The following VAV3 variants were observed in gnomAD, a reference collection of about 807,000 sequenced individuals.
VAV3 encodes guanine nucleotide exchange factor VAV3.
Under a neutral mutation model 131.2 loss-of-function variants are expected in VAV3, and 94 were observed. That is an observed-to-expected ratio of 0.72 (90% CI 0.61 to 0.85). The LOEUF is 0.85. Ranked by LOEUF, VAV3 falls within the 40% of genes least tolerant of loss-of-function variation. The pLI is 0.00. For missense variants in VAV3, 939 were observed against 1,002.7 expected (o/e 0.94, Z 0.86); for synonymous variants, 349 against 342.0 (o/e 1.02, Z -0.22).
intron 25 of VAV3, among the ~76,000 whole-genome samples, chr1:107,584,894 T>C (rs909642480): frequency 6.6e-6 from 1 of 152,198 alleles, no homozygotes. Context: ...TCTAAATCTA[T>C]ATTTAAAAAA....
chr1:107,756,399 C>T (rs751988020), intron 11 of VAV3, among the ~76,000 whole-genome samples: 1 of 151,978 alleles, frequency 6.6e-6, no homozygotes, highest in Admixed American at 6.6e-5. Flanking sequence ...GATCCATAAA[C>T]GACTTCTTTA....
intron 20 of VAV3, among the ~76,000 whole-genome samples, chr1:107,637,333 A>G (rs1005846083): frequency 8.6e-5 from 13 of 152,004 alleles, no homozygotes; most frequent in Admixed American, 7.9e-4. Flanking sequence ...TTTTTTTTTA[A>G]ACTTCTAGGC....
Position 107,757,153 on chromosome 1 carries a change from ATGTGTGTGTGTGTGTGTGTGTG to A in VAV3, c.1086+86_1086+107del, listed in dbSNP as rs34437461. ...TGTTTGTGTATATATATGTGTGTATATGTGTGTGTGTGTGTGTGTGTGTGTGTGTGTGTGTATGCAATTTGAA... is the reference window on the plus strand; with the variant it reads ...TGTTTGTGTATATATATGTGTGTATATGTGTGTGTGTGTATGCAATTTGAA... On this transcript the variant is annotated intron_variant, in intron 11 of 26. Transcript: ENST00000370056. 1.2e-4 allele frequency: 73 copies of A among 593,126 alleles called. No homozygotes were observed. The East Asian group carries it at 2.1e-3, about 17-fold the overall frequency. The allele number at this position is 593,126 out of a possible 1,614,324, so 36.7% of individuals were successfully genotyped here.
intron 20 of VAV3, among the ~76,000 whole-genome samples, chr1:107,633,140 T>C (rs537899363): frequency 6.6e-6 from 1 of 152,180 alleles, no homozygotes; most frequent in South Asian, 2.1e-4. Flanking sequence ...ATGAAAATAA[T>C]TGAAAGCACC....
intron 22 of VAV3, among the ~76,000 whole-genome samples, chr1:107,608,399 T>C (rs1022932362): frequency 1.3e-5 from 2 of 152,236 alleles, no homozygotes; most frequent in African/African-American, 4.8e-5. Context: ...ACTTTCAAGA[T>C]TTTTAACAGT....
intron 12 of VAV3, among the ~76,000 whole-genome samples, chr1:107,753,038 A>C (rs1034491252): frequency 6.6e-6 from 1 of 152,186 alleles, no homozygotes; most frequent in Non-Finnish European, 1.5e-5. Flanking sequence ...CAATAGCTGA[A>C]AGAAGGAAGC....
intron 20 of VAV3, among the ~76,000 whole-genome samples, chr1:107,618,586 T>C (rs4372289): frequency 6.6e-6 from 1 of 152,102 alleles, no homozygotes; most frequent in Non-Finnish European, 1.5e-5. Context: ...CCTTAATATG[T>C]GCTAGACACT....
chr1:107,888,184 T>C (rs1227215616), intron 1 of VAV3, among the ~76,000 whole-genome samples: 1 of 152,200 alleles, frequency 6.6e-6, no homozygotes, highest in Non-Finnish European at 1.5e-5. Context: ...TGTGATATCT[T>C]CTTTATTGAA....
intron 19 of VAV3, among the ~76,000 whole-genome samples, chr1:107,671,711 T>C (rs6680436): frequency 0.23 from 35,692 of 151,962 alleles, 4,933 homozygotes; most frequent in African/African-American, 0.38. Flanking sequence ...GGCAGAGCCA[T>C]AGAATATTTT....
intron 25 of VAV3, among the ~76,000 whole-genome samples, chr1:107,584,149 C>T (rs1343846625): frequency 6.6e-6 from 1 of 152,142 alleles, no homozygotes; most frequent in African/African-American, 2.4e-5. Context: ...AAAAAACAAG[C>T]AATGGGGAAA....
chr1:107,681,843 G>T (rs1658644908), intron 19 of VAV3, among the ~76,000 whole-genome samples: 1 of 151,774 alleles, frequency 6.6e-6, no homozygotes, highest in Non-Finnish European at 1.5e-5. Flanking sequence ...TGTATTTTTA[G>T]TAGAGATGGG....
chr1:107,576,436 G>A (rs777973499), intron 25 of VAV3: 30 of 1,524,556 alleles, frequency 2.0e-5, no homozygotes, highest in African/African-American at 2.8e-5. Flanking sequence ...GCTGTAGTCT[G>A]GAGGAGTTAC....
intron 2 of VAV3, among the ~76,000 whole-genome samples, chr1:107,805,340 T>C (rs566309584): frequency 2.0e-5 from 3 of 152,186 alleles, no homozygotes; most frequent in African/African-American, 7.2e-5. Context: ...ACGTGACCTG[T>C]CATTCCTTTC....
rs1011152434 is a variant in VAV3, at chr1:107,777,090, T to C, written c.446+141A>G. ...GTTGAAGTACATTTTCTTGTAAAGC[T>C]TTCCATCGCCAGTTTAAGGTTAATC... On this transcript the variant is annotated intron_variant, in intron 4 of 26. Transcript: ENST00000370056. 7 of 739,850 alleles carry C rather than the reference T, an allele frequency of 9.5e-6. No homozygotes were observed. The African/African-American group carries it at 1.2e-4, about 13-fold the overall frequency. The allele number at this position is 739,850 out of a possible 1,614,324, so 45.8% of individuals were successfully genotyped here. A position where few individuals can be genotyped will look rare whatever the true frequency, so the allele number is the denominator to read the frequency against.
At chr1:107,610,009 A>G in intron 21 of VAV3, 44 bp from the exon 22 acceptor site, 1 of 1,581,964 alleles carries the variant, frequency 6.3e-7, no homozygotes, top group Non-Finnish European at 8.7e-7. Context: ...TACATAAGGG[A>G]AGCTTTTAGA....
chr1:107,668,116 C>T (rs1657537084), intron 19 of VAV3, among the ~76,000 whole-genome samples: 1 of 152,148 alleles, frequency 6.6e-6, no homozygotes, highest in African/African-American at 2.4e-5. Flanking sequence ...AGTGCTTATC[C>T]TTCTTCAATC....
At chr1:107,750,697 C>T (rs1029452403) in intron 13 of VAV3, among the ~76,000 whole-genome samples, 3 of 152,224 alleles carry the variant, frequency 2.0e-5, no homozygotes, top group African/African-American at 7.2e-5. Flanking sequence ...TCTTCAAGAA[C>T]TACATCTGCA....
intron 19 of VAV3, among the ~76,000 whole-genome samples, chr1:107,656,744 T>TA (rs1173204860): frequency 6.6e-6 from 1 of 151,936 alleles, no homozygotes; most frequent in African/African-American, 2.4e-5. Flanking sequence ...TCAATAAAAA[T>TA]AAAAATATAA....
In VAV3 at chr1:107,571,482, A is replaced by G. The variant is rs1426053855; in HGVS notation, c.*1849T>C. 1 of 152,650 alleles carries G rather than the reference A, an allele frequency of 6.6e-6. No individual in the cohort carries two copies. The highest frequency in any genetic ancestry group is 1.5e-5 in the Non-Finnish European group (1 of 68,054). 9.5% of individuals were successfully genotyped at this position (152,650 alleles called of 1,614,324 possible). A position where few individuals can be genotyped will look rare whatever the true frequency, so the allele number is the denominator to read the frequency against. On this transcript the variant is annotated 3_prime_UTR_variant, in exon 27 of 27. Coordinates refer to ENST00000370056, the MANE Select transcript of VAV3 (RefSeq NM_006113.5). ...TTTATAAGGAGAGGGTCTATTGACTAAAATAAACAATACATGCTACAATAC... is the reference window on the plus strand; with the variant it reads ...TTTATAAGGAGAGGGTCTATTGACTGAAATAAACAATACATGCTACAATAC...
Sources: allele counts gnomAD v4.1 joint callset (sites outside exome capture counted in the v4.1 genomes callset), GRCh38; gene constraint gnomAD v4.1.1; transcripts MANE v1.5; gene names NCBI Gene and HGNC (gene_info 2026-07-23, HGNC 2026-07-21).